The following CGNL1 variants were observed in gnomAD, a reference collection of about 807,000 sequenced individuals.
CGNL1 encodes the protein cingulin like 1, also known as cingulin-like protein 1.
A neutral mutation model predicts 141.2 loss-of-function variants in CGNL1; 132 were observed. The observed-to-expected ratio is 0.93, with a 90% confidence interval of 0.81 to 1.08. The LOEUF (loss-of-function observed/expected upper bound fraction) is 1.08. CGNL1 is among the 50% of genes least tolerant of loss of function. CGNL1 has a pLI of 0.00. For missense variants in CGNL1, 1,870 were observed against 1,588.6 expected (o/e 1.18, Z -3.01); for synonymous variants, 690 against 622.1 (o/e 1.11, Z -1.63).
intron 8 of CGNL1, among the ~76,000 whole-genome samples, chr15:57,482,769 CCTTTT>C (rs555630531): frequency 2.2e-4 from 33 of 151,408 alleles, no homozygotes; most frequent in Admixed American, 5.3e-4. Flanking sequence ...AGTTACTTTA[CCTTTT>C]CTTTTCTTTT....
intron 1 of CGNL1, chr15:57,407,034 A>T (rs1198658924): frequency 1.3e-5 from 2 of 152,178 alleles, no homozygotes; most frequent in African/African-American, 4.8e-5. Context: ...ATGGGGGTAG[A>T]GCTGGTAACT....
chr15:57,429,061 C>T (rs2063013840), intron 1 of CGNL1, among the ~76,000 whole-genome samples: 1 of 151,918 alleles, frequency 6.6e-6, no homozygotes, highest in Non-Finnish European at 1.5e-5. Flanking sequence ...AGTGCAGCTG[C>T]ACAGTTTAAG....
chr15:57,385,763 C>T (rs7163571), intron 1 of CGNL1, among the ~76,000 whole-genome samples: 12,614 of 152,282 alleles, frequency 0.083, 1,632 homozygotes, highest in African/African-American at 0.28. Context: ...GTACATTTGA[C>T]AATATCTGGG....
chr15:57,517,103 G>A (rs1322672683), intron 9 of CGNL1, 117 bp downstream of exon 9: 3 of 984,506 alleles, frequency 3.0e-6, no homozygotes, highest in East Asian at 2.6e-5. Context: ...AAAGGTCAAG[G>A]CAATAGTGAA....
At chr15:57,399,998 CT>C (rs10532752) in intron 1 of CGNL1, among the ~76,000 whole-genome samples, 63,387 of 143,920 alleles carry the variant, frequency 0.44, 14,040 homozygotes, top group East Asian at 0.7. Flanking sequence ...TTTCTAATAC[CT>C]TTTTTTTTTT....
intron 1 of CGNL1, among the ~76,000 whole-genome samples, chr15:57,387,534 T>TG (rs2062496931): frequency 6.6e-6 from 1 of 152,140 alleles, no homozygotes; most frequent in African/African-American, 2.4e-5. Flanking sequence ...ATCTTACTTC[T>TG]GTGAAAGAAT....
At chr15:57,386,615 T>A (rs536705491) in intron 1 of CGNL1, among the ~76,000 whole-genome samples, 2 of 152,130 alleles carry the variant, frequency 1.3e-5, no homozygotes, top group East Asian at 3.9e-4. Context: ...CTTTGGCTTT[T>A]CCCGTGCTTG....
At chr15:57,535,306 G>A (rs544105170) in intron 14 of CGNL1, among the ~76,000 whole-genome samples, 1 of 152,304 alleles carries the variant, frequency 6.6e-6, no homozygotes, top group South Asian at 2.1e-4. Flanking sequence ...AGTTGCTACA[G>A]TTTGTTTGAG....
chr15:57,411,424 A>G (rs1171310667), intron 1 of CGNL1, among the ~76,000 whole-genome samples: 3 of 150,550 alleles, frequency 2.0e-5, no homozygotes, highest in African/African-American at 7.3e-5. Context: ...TCCAGATGCC[A>G]CTAGTTTTCT....
chr15:57,475,801 G>A (rs999874198), intron 8 of CGNL1, among the ~76,000 whole-genome samples: 7 of 151,682 alleles, frequency 4.6e-5, no homozygotes, highest in African/African-American at 7.3e-5. Flanking sequence ...TCTTTCCCCC[G>A]GCTCATATTA....
At chr15:57,412,489 A>G (rs2062800580) in intron 1 of CGNL1, among the ~76,000 whole-genome samples, 1 of 152,128 alleles carries the variant, frequency 6.6e-6, no homozygotes, top group Non-Finnish European at 1.5e-5. Flanking sequence ...ATGAGATGGC[A>G]TCTTTGATTA....
intron 8 of CGNL1, among the ~76,000 whole-genome samples, chr15:57,512,534 A>G (rs964962490): frequency 6.6e-6 from 1 of 152,328 alleles, no homozygotes; most frequent in South Asian, 2.1e-4. Flanking sequence ...AAGTGTCTCA[A>G]TACACACAAG....
chr15:57,475,665 G>C (rs1432786849), intron 8 of CGNL1, among the ~76,000 whole-genome samples: 5 of 152,084 alleles, frequency 3.3e-5, no homozygotes, highest in African/African-American at 7.2e-5. Flanking sequence ...TCTTCTTGCA[G>C]TGGGGAAAAT....
rs1348250078 is a variant in CGNL1, at chr15:57,415,865, G to T, written c.-15-22120G>T. 1.2e-4 allele frequency among the ~76,000 whole-genome samples: 19 copies of T among 152,316 alleles called. No individual in the cohort carries two copies. The East Asian group carries it at 3.7e-3, about 29-fold the overall frequency. On this transcript the variant is annotated intron_variant, in intron 1 of 18. Coordinates refer to ENST00000281282, the MANE Select transcript of CGNL1 (RefSeq NM_032866.5). ...CTTCTGTAGTAGCTCTGCCAGAAAAGGGAACAAGGTTAGTTTCTCCTGATT... is the reference window on the plus strand; with the variant it reads ...CTTCTGTAGTAGCTCTGCCAGAAAATGGAACAAGGTTAGTTTCTCCTGATT...
At chr15:57,454,235 G>A (rs1456692818) in intron 7 of CGNL1, among the ~76,000 whole-genome samples, 1 of 152,112 alleles carries the variant, frequency 6.6e-6, no homozygotes, top group African/African-American at 2.4e-5. Context: ...CATAGTTTTG[G>A]AACCTACTTC....
chr15:57,499,681 C>T (rs1400355516), intron 8 of CGNL1, among the ~76,000 whole-genome samples: 1 of 152,190 alleles, frequency 6.6e-6, no homozygotes, highest in East Asian at 1.9e-4. Context: ...GAATCTTCCA[C>T]AATATTTCAT....
chr15:57,469,710 T>TC (rs35813344), intron 8 of CGNL1, among the ~76,000 whole-genome samples: 12,693 of 152,236 alleles, frequency 0.083, 577 homozygotes, highest in Middle Eastern at 0.12. Flanking sequence ...GAAACTTTTC[T>TC]CCCCCTTCAC....
In CGNL1 at chr15:57,468,687, G is replaced by C. The variant is rs571659787; in HGVS notation, c.2403+6795G>C. ...TGGTAGTCAGTGAGGGAGCAATGATGTTTCTTTTATTAGGGACTGATATGA... is the reference window on the plus strand; with the variant it reads ...TGGTAGTCAGTGAGGGAGCAATGATCTTTCTTTTATTAGGGACTGATATGA... On this transcript the variant is annotated intron_variant, in intron 8 of 18. Transcript: ENST00000281282. Among the ~76,000 whole-genome samples, 10 of 152,128 alleles carry C rather than the reference G, an allele frequency of 6.6e-5. 1 individual carries two copies. The highest frequency in any genetic ancestry group is 1.9e-4 in the African/African-American group (8 of 41,506).
At chr15:57,427,973 T>G (rs1228288348) in intron 1 of CGNL1, among the ~76,000 whole-genome samples, 1 of 80,670 alleles carries the variant, frequency 1.2e-5, no homozygotes, top group Admixed American at 1.1e-4. Flanking sequence ...AAACCTTGAC[T>G]TTTTTTTTTT....
Sources: allele counts gnomAD v4.1 joint callset (sites outside exome capture counted in the v4.1 genomes callset), GRCh38; gene constraint gnomAD v4.1.1; transcripts MANE v1.5; gene names NCBI Gene and HGNC (gene_info 2026-07-23, HGNC 2026-07-21).